UBN2: variants seen among roughly 807,000 people sequenced by gnomAD.
UBN2 encodes ubinuclein 2, also known as ubinuclein-2.
UBN2 carries 35 observed loss-of-function variants against 120.2 expected under a neutral mutation model. That is an observed-to-expected ratio of 0.29 (90% CI 0.22 to 0.39). The LOEUF is 0.39. Ranked by LOEUF, UBN2 falls within the 10% of genes least tolerant of loss-of-function variation. The probability of loss-of-function intolerance (pLI) is 1.00; values close to 1 mark genes in which losing one functional copy is unlikely to be tolerated. For missense variants in UBN2, 1,693 were observed against 1,663.2 expected (o/e 1.02, Z -0.31); for synonymous variants, 661 against 648.7 (o/e 1.02, Z -0.29).
the UBN2 span, chr7:139,315,232 C>A: frequency 6.6e-6 from 1 of 152,238 alleles, no homozygotes; most frequent in Admixed American, 6.5e-5. Context: ...GCCTCTGCCT[C>A]CCAAAGTGCT....
At chr7:139,234,802 A>G (rs767827014) in intron 1 of UBN2, among the ~76,000 whole-genome samples, 3 of 152,254 alleles carry the variant, frequency 2.0e-5, no homozygotes, top group African/African-American at 7.2e-5. Flanking sequence ...TAATGTAACT[A>G]TACTATTTGA....
At position 139,296,946 on chromosome 7, in the gene UBN2, G is replaced by A. The variant is rs142972442; in HGVS notation, c.3995-841G>A. On this transcript the variant is annotated intron_variant, in intron 17 of 17. Coordinates refer to ENST00000473989, the MANE Select transcript of UBN2 (RefSeq NM_173569.4). ...GTGGTGGCTCATGCCTGTAATCCCA[G>A]CACTTTGGGAGGTTGAGGCAGGGTG... Among the ~76,000 whole-genome samples the A allele has an allele frequency of 2.0e-3, 310 of 152,224 alleles. 1 individual carries two copies. The highest frequency in any genetic ancestry group is 3.6e-3 in the Non-Finnish European group (243 of 68,008).
chr7:139,274,102 T>C, intron 11 of UBN2, 28 bp downstream of exon 11: 1 of 1,558,188 alleles, frequency 6.4e-7, no homozygotes, highest in Non-Finnish European at 8.6e-7. Flanking sequence ...CTGGATTTTA[T>C]TTTATTTTAT....
chr7:139,263,354 C>T (rs1373087958), intron 6 of UBN2, among the ~76,000 whole-genome samples: 1 of 152,088 alleles, frequency 6.6e-6, no homozygotes, highest in Non-Finnish European at 1.5e-5. Flanking sequence ...TATAGCCCTA[C>T]CCTCAAGGAG....
At chr7:139,233,336 A>T (rs1161863531) in intron 1 of UBN2, among the ~76,000 whole-genome samples, 1 of 152,188 alleles carries the variant, frequency 6.6e-6, no homozygotes, top group Non-Finnish European at 1.5e-5. Flanking sequence ...TATTAAAAAT[A>T]TTGGATTGGA....
chr7:139,271,909 G>T (rs529132538), intron 8 of UBN2, among the ~76,000 whole-genome samples: 6 of 152,154 alleles, frequency 3.9e-5, no homozygotes, highest in African/African-American at 1.2e-4. Context: ...AACCAAACAC[G>T]TGTCTTCGTG....
intron 17 of UBN2, among the ~76,000 whole-genome samples, chr7:139,294,798 G>A (rs1798064429): frequency 1.3e-5 from 2 of 152,180 alleles, no homozygotes; most frequent in South Asian, 4.2e-4. Flanking sequence ...CCGAGATCAC[G>A]CCACTGCACT....
chr7:139,259,944 A>C (rs1156736156), intron 5 of UBN2, among the ~76,000 whole-genome samples: 1 of 151,960 alleles, frequency 6.6e-6, no homozygotes, highest in East Asian at 1.9e-4. Context: ...AGAATATTTT[A>C]GTAGTGAAAC....
chr7:139,240,451 TA>T (rs1343943580), intron 2 of UBN2, among the ~76,000 whole-genome samples: 4,163 of 41,842 alleles, frequency 0.099, 97 homozygotes, highest in South Asian at 0.18. Flanking sequence ...TATATATATA[TA>T]TATTTTTTTT....
In UBN2 at chr7:139,284,167, T is replaced by C; in HGVS notation, c.3262T>C (p.Ser1088Pro). 1 of 1,613,960 alleles carries C rather than the reference T, an allele frequency of 6.2e-7. No individual in the cohort carries two copies. Among genetic ancestry groups the C allele is most frequent in the South Asian group, 1.1e-5 (1 of 91,068 alleles). Residue 1088 changes from serine to proline, a missense_variant, in exon 15 of 18, where the codon TCC (serine) becomes CCC (proline). Coordinates refer to ENST00000473989, the MANE Select transcript of UBN2 (RefSeq NM_173569.4). ...KSNPTPKPTVSPSSSSPNALV... is the reference protein window; with the variant it reads ...KSNPTPKPTVPPSSSSPNALV... The stretch of plus-strand genomic sequence containing the variant: ...CAACCCAACTCCCAAGCCTACTGTA[T>C]CCCCAAGTAGTTCCAGTCCAAATGC...
intron 15 of UBN2, among the ~76,000 whole-genome samples, chr7:139,288,477 T>C (rs557149225): frequency 2.0e-5 from 3 of 152,082 alleles, no homozygotes; most frequent in East Asian, 3.9e-4. Flanking sequence ...GGCTGGACCA[T>C]GGGGAGAGAG....
chr7:139,259,435 G>A, intron 5 of UBN2, 65 bp downstream of exon 5: 1 of 1,582,022 alleles, frequency 6.3e-7, no homozygotes, highest in African/African-American at 1.4e-5. Context: ...CCTTTAGAAA[G>A]ATATACTTAC....
At chr7:139,248,587 G>A (rs941713306) in intron 2 of UBN2, among the ~76,000 whole-genome samples, 7 of 151,874 alleles carry the variant, frequency 4.6e-5, no homozygotes, top group African/African-American at 1.7e-4. Flanking sequence ...TACTAGGTTA[G>A]GTTTCTGAAC....
Position 139,283,205 on chromosome 7 carries a change from T to A in UBN2, c.2300T>A (p.Leu767Gln). 6.2e-7 allele frequency: 1 copy of A among 1,612,688 alleles called. No homozygotes were observed. The highest frequency in any genetic ancestry group is 1.6e-4 in the Middle Eastern group (1 of 6,062). ...GACCTTTCTTTCCATTCACCTTCAC[T>A]GGATCTTGTTTCTGAAGCTTTAGCG... is the stretch of plus-strand genomic sequence containing the variant. Reference protein sequence around the residue: ...DEDLSFHSPSLDLVSEALAVI... With the variant: ...DEDLSFHSPSQDLVSEALAVI... The change falls in exon 15 of 18, where the codon CTG becomes CAG. Residue 767 changes from leucine (L) to glutamine (Q), a missense_variant. Leu to Gln is a moderately radical substitution (Grantham distance 113). Around this residue, in one of 5 missense-constraint regions of UBN2, gnomAD observed 837 missense variants for 817.6 expected, o/e 1.02. Transcript: ENST00000473989.
the UBN2 span, among the ~76,000 whole-genome samples, chr7:139,329,372 C>T: frequency 4.8e-5 from 7 of 145,720 alleles, no homozygotes; most frequent in Admixed American, 2.0e-4. Flanking sequence ...AGTTCTTGAC[C>T]CCAGCTACAC....
rs1190949381 is a variant in UBN2, at chr7:139,231,656, GC to G, written c.178del (p.Arg60AlafsTer126). ...RAEPPAPREP[A>X]PRSDAQPPSR... ...GGAGCCGCCGGCCCCGCGGGAGCCT[GC>G]CCCCCGCTCGGACGCGCAGCCCCCG... On this transcript the variant is annotated frameshift_variant, in exon 1 of 18. Transcript: ENST00000473989. LOFTEE classifies it high-confidence loss of function. 8.3e-7 allele frequency: 1 copy of G among 1,204,026 alleles called. No individual in the cohort carries two copies. The highest frequency in any genetic ancestry group is 1.0e-6 in the Non-Finnish European group (1 of 972,764). 74.6% of individuals were successfully genotyped at this position (1,204,026 alleles called of 1,614,324 possible). A position where few individuals can be genotyped will look rare whatever the true frequency, so the allele number is the denominator to read the frequency against.
At chr7:139,255,416 A>T (rs1481441702) in intron 3 of UBN2, among the ~76,000 whole-genome samples, 1 of 152,140 alleles carries the variant, frequency 6.6e-6, no homozygotes, top group East Asian at 1.9e-4. Flanking sequence ...CTAGATTTTG[A>T]TGGGTAATGT....
At chr7:139,297,005 C>A (rs1798128032) in intron 17 of UBN2, among the ~76,000 whole-genome samples, 2 of 152,030 alleles carry the variant, frequency 1.3e-5, no homozygotes, top group Non-Finnish European at 2.9e-5. Flanking sequence ...ACCACCCTGA[C>A]CAACATGGTG....
chr7:139,326,471 C>G, the UBN2 span, among the ~76,000 whole-genome samples: 1 of 152,208 alleles, frequency 6.6e-6, no homozygotes, highest in Non-Finnish European at 1.5e-5. Context: ...GAACACATCA[C>G]CCTTTGACAA....
Sources: gnomAD v4.1 joint callset for allele counts (sites outside exome capture counted in the v4.1 genomes callset) on GRCh38, gnomAD v4.1.1 for gene constraint, gnomAD v4.1.1 regional missense constraint, MANE v1.5 for transcripts, NCBI Gene and HGNC (gene_info 2026-07-23, HGNC 2026-07-21) for gene names.